RAI14: variants seen among roughly 807,000 people sequenced by gnomAD.
The protein encoded by RAI14 is ankycorbin.
RAI14 carries 45 observed loss-of-function variants against 115.4 expected under a neutral mutation model. The observed-to-expected ratio is 0.39, with a 90% CI of 0.31 to 0.50. The LOEUF is 0.50. RAI14 is among the 20% of genes least tolerant of loss of function. RAI14 has a pLI of 0.85. For missense variants in RAI14, 939 were observed against 1,131.2 expected (o/e 0.83, Z 2.44); for synonymous variants, 371 against 415.4 (o/e 0.89, Z 1.30).
At chr5:34,664,015 G>A (rs551330503) in intron 1 of RAI14, among the ~76,000 whole-genome samples, 91 of 152,154 alleles carry the variant, frequency 6.0e-4, no homozygotes, top group African/African-American at 2.0e-3. Context: ...ATGACCATAT[G>A]TCACACCGGG....
intron 3 of RAI14, among the ~76,000 whole-genome samples, chr5:34,772,725 G>T (rs775063874): frequency 2.6e-5 from 4 of 152,088 alleles, no homozygotes; most frequent in Non-Finnish European, 5.9e-5. Context: ...TGCCTCCGTT[G>T]GTCCCTCCAT....
chr5:34,666,248 G>A lies in RAI14; in HGVS notation c.-49+9773G>A, dbSNP rs111609758. On this transcript the variant is annotated intron_variant, in intron 1 of 17. Coordinates refer to ENST00000265109, the MANE Select transcript of RAI14 (RefSeq NM_015577.3). The stretch of plus-strand genomic sequence containing the variant: ...CAATACTCCTAGGCTCACAGTAGGT[G>A]TCCCAGGCAACCCCTGACAGTACTC... Among the ~76,000 whole-genome samples the A allele has an allele frequency of 6.3e-3, 951 of 151,870 alleles. 9 individuals are homozygous for A. Among genetic ancestry groups the A allele is most frequent in the African/African-American group, 0.022 (910 of 41,220 alleles).
chr5:34,660,740 C>T (rs1208456439), intron 1 of RAI14, among the ~76,000 whole-genome samples: 1 of 150,698 alleles, frequency 6.6e-6, no homozygotes, highest in East Asian at 1.9e-4. Context: ...CATTTAAACA[C>T]ATTGGCGTCC....
intron 3 of RAI14, among the ~76,000 whole-genome samples, chr5:34,775,412 G>GA (rs1750713539): frequency 6.6e-6 from 1 of 152,016 alleles, no homozygotes; most frequent in African/African-American, 2.4e-5. Context: ...ATTCTATAGG[G>GA]AAAAAAATCC....
At chr5:34,783,044 G>GT (rs1751855351) in intron 3 of RAI14, among the ~76,000 whole-genome samples, 1 of 152,220 alleles carries the variant, frequency 6.6e-6, no homozygotes, top group African/African-American at 2.4e-5. Context: ...GAAAGCATGT[G>GT]TAACTGTGTC....
intron 1 of RAI14, among the ~76,000 whole-genome samples, chr5:34,674,113 A>G (rs1050179010): frequency 6.6e-6 from 1 of 150,856 alleles, no homozygotes; most frequent in Non-Finnish European, 1.5e-5. Context: ...ACTGCAGACA[A>G]AAAAAAAATC....
At chr5:34,664,331 T>TAA (rs1210559321) in intron 1 of RAI14, among the ~76,000 whole-genome samples, 1 of 135,360 alleles carries the variant, frequency 7.4e-6, no homozygotes, top group African/African-American at 2.8e-5. Flanking sequence ...ATATCTACTT[T>TAA]AAAAAAAAAA....
intron 2 of RAI14, among the ~76,000 whole-genome samples, chr5:34,718,096 C>T (rs1742214038): frequency 6.6e-6 from 1 of 152,064 alleles, no homozygotes; most frequent in Non-Finnish European, 1.5e-5. Context: ...CACAGTATAT[C>T]ATCATTTCCT....
At chr5:34,746,969 C>G (rs1007916732) in intron 2 of RAI14, among the ~76,000 whole-genome samples, 1 of 152,126 alleles carries the variant, frequency 6.6e-6, no homozygotes, top group Admixed American at 6.6e-5. Context: ...TTGCTTCTTC[C>G]TCATTTTTCT....
At chr5:34,734,024 G>A (rs1187499798) in intron 2 of RAI14, among the ~76,000 whole-genome samples, 2 of 152,140 alleles carry the variant, frequency 1.3e-5, no homozygotes, top group Non-Finnish European at 2.9e-5. Context: ...GGGTACATAG[G>A]CTGCTTCTCT....
At chr5:34,716,287 T>G (rs994575038) in intron 2 of RAI14, 4 of 282,382 alleles carry the variant, frequency 1.4e-5, no homozygotes, top group Non-Finnish European at 2.7e-5. Flanking sequence ...ACAGTTCCCT[T>G]TGGGCTATTC....
intron 2 of RAI14, among the ~76,000 whole-genome samples, chr5:34,714,325 A>C (rs754674410): frequency 1.3e-5 from 2 of 152,242 alleles, no homozygotes; most frequent in African/African-American, 2.4e-5. Flanking sequence ...CATTAAACAC[A>C]GATGAGATGT....
intron 2 of RAI14, among the ~76,000 whole-genome samples, chr5:34,701,495 T>C (rs1187100151): frequency 6.6e-6 from 1 of 152,232 alleles, no homozygotes; most frequent in Admixed American, 6.5e-5. Flanking sequence ...CCACAATCTT[T>C]ATCTTAACCT....
At chr5:34,792,383 G>A (rs568546022) in intron 3 of RAI14, among the ~76,000 whole-genome samples, 6 of 152,020 alleles carry the variant, frequency 3.9e-5, no homozygotes, top group South Asian at 2.1e-4. Context: ...ACAGGTGCCC[G>A]ACACCACACC....
chr5:34,721,720 T>G (rs1742781451), intron 2 of RAI14, among the ~76,000 whole-genome samples: 1 of 151,302 alleles, frequency 6.6e-6, no homozygotes, highest in South Asian at 2.1e-4. Flanking sequence ...AACGGACACT[T>G]TTTTTTTTGA....
chr5:34,701,315 T>C (rs1462562772), intron 2 of RAI14, among the ~76,000 whole-genome samples: 4 of 152,234 alleles, frequency 2.6e-5, no homozygotes, highest in African/African-American at 9.6e-5. Context: ...GCAAAGCTCC[T>C]TCTTTGTGGG....
At position 34,731,523 on chromosome 5, in the gene RAI14, G is replaced by A. The variant is rs373847557; in HGVS notation, c.37-25945G>A. ...ATGGCCTTGGGACTTTTGACCTGTG[G>A]AAGTTTTGCATTTTCCAGCCTGGAT... is the stretch of plus-strand genomic sequence containing the variant. On this transcript the variant is annotated intron_variant, in intron 2 of 17. Coordinates refer to ENST00000265109, the MANE Select transcript of RAI14 (RefSeq NM_015577.3). Among the ~76,000 whole-genome samples the A allele has an allele frequency of 1.5e-4, 23 of 152,270 alleles. No individual in the cohort carries two copies. In the South Asian group the frequency reaches 2.5e-3, roughly 16 times the overall value.
In RAI14 at chr5:34,663,337, C is replaced by T. The variant is rs376089029; in HGVS notation, c.-49+6862C>T. Among the ~76,000 whole-genome samples, 37 of 151,908 alleles carry T rather than the reference C, an allele frequency of 2.4e-4. No individual in the cohort carries two copies. The South Asian group carries it at 7.5e-3, about 31-fold the overall frequency. ...TAAGAGACCAGCTTGGGAAACATGG[C>T]GAAACTTTGTCTCTAAAAAAATACA... On this transcript the variant is annotated intron_variant, in intron 1 of 17. Transcript: ENST00000265109.
chr5:34,688,149 G>A, intron 2 of RAI14: 1 of 1,539,194 alleles, frequency 6.5e-7, no homozygotes, highest in Non-Finnish European at 8.8e-7. Context: ...GAAAGTCCTG[G>A]TCATCCGACT....
Sources: gnomAD v4.1 joint callset for allele counts (sites outside exome capture counted in the v4.1 genomes callset) on GRCh38, gnomAD v4.1.1 for gene constraint, MANE v1.5 for transcripts, NCBI Gene and HGNC (gene_info 2026-07-23, HGNC 2026-07-21) for gene names.